The following DIS3L2 variants were observed in gnomAD, a reference collection of about 807,000 sequenced individuals.
DIS3L2 encodes DIS3-like exonuclease 2.
Under a neutral mutation model 97.5 loss-of-function variants are expected in DIS3L2, and 34 were observed. That is an observed-to-expected ratio of 0.35 (90% confidence interval 0.27 to 0.46). The LOEUF is 0.46. DIS3L2 is among the 20% of genes least tolerant of loss of function. The pLI, the probability that DIS3L2 is intolerant of heterozygous loss-of-function variation, is 1.00. For missense variants in DIS3L2, 1,038 were observed against 1,146.0 expected, an observed-to-expected ratio of 0.91 and a Z score of 1.36; for synonymous variants, 435 against 445.2, an observed-to-expected ratio of 0.98 and a Z score of 0.29.
At chr2:232,311,075 G>T (rs1301765832) in intron 14 of DIS3L2, among the ~76,000 whole-genome samples, 1 of 152,212 alleles carries the variant, frequency 6.6e-6, no homozygotes, top group East Asian at 1.9e-4. Context: ...CTGAGCTATG[G>T]TGCTCAGGAC....
intron 13 of DIS3L2, among the ~76,000 whole-genome samples, chr2:232,277,633 A>G (rs969696290): frequency 1.3e-5 from 2 of 152,190 alleles, no homozygotes; most frequent in Non-Finnish European, 2.9e-5. Flanking sequence ...TTTTCTATAT[A>G]TCCTAAGGCG....
At chr2:232,013,096 C>T (rs1421583214) in intron 1 of DIS3L2, among the ~76,000 whole-genome samples, 2 of 152,302 alleles carry the variant, frequency 1.3e-5, no homozygotes, top group East Asian at 1.9e-4. Flanking sequence ...AGACATGCCT[C>T]GTTGCTAGAT....
intron 6 of DIS3L2, among the ~76,000 whole-genome samples, chr2:232,130,351 A>G (rs1204811528): frequency 2.0e-5 from 3 of 152,174 alleles, no homozygotes; most frequent in African/African-American, 2.4e-5. Flanking sequence ...TTAATTCAAC[A>G]TAGTTTGATG....
chr2:232,295,493 G>A (rs1040129363), intron 13 of DIS3L2, among the ~76,000 whole-genome samples: 2 of 152,160 alleles, frequency 1.3e-5, no homozygotes, highest in Non-Finnish European at 1.5e-5. Context: ...CCTTGAATCT[G>A]CAGTTCTCTC....
rs375685552 is a variant in DIS3L2 at position 232,107,631 on chromosome 2, G to A, written c.601+19910G>A. Among the ~76,000 whole-genome samples the A allele has an allele frequency of 1.4e-4, 22 of 152,284 alleles. No homozygotes were observed. The East Asian group carries it at 2.5e-3, about 17-fold the overall frequency. On this transcript the variant is annotated intron_variant, in intron 6 of 20. Coordinates refer to ENST00000325385, the MANE Select transcript of DIS3L2 (RefSeq NM_152383.5). ...GGAGAATCACTTAAATCCAGGAGGT[G>A]TAGGATACAGTGAGCCGAGGTCTCG...
At chr2:232,174,841 T>C (rs1465658018) in intron 9 of DIS3L2, among the ~76,000 whole-genome samples, 2 of 151,642 alleles carry the variant, frequency 1.3e-5, no homozygotes, top group African/African-American at 4.9e-5. Flanking sequence ...ATTCAGTTTT[T>C]TTTTTGTTTT....
chr2:231,964,940 AG>A (rs1446381607), intron 1 of DIS3L2, among the ~76,000 whole-genome samples: 1 of 152,256 alleles, frequency 6.6e-6, no homozygotes, highest in African/African-American at 2.4e-5. Context: ...TGGAGAGGAC[AG>A]GAAGTCCTAA....
In DIS3L2 at chr2:232,100,190, A is replaced by G. The variant is rs566851694; in HGVS notation, c.601+12469A>G. Among the ~76,000 whole-genome samples, 336 of 101,452 alleles carry G rather than the reference A, an allele frequency of 3.3e-3. 5 individuals carry two copies. The highest frequency in any genetic ancestry group is 2.2e-3 in the Non-Finnish European group (114 of 52,656). The allele number at this position is 101,452 out of a possible 152,430, so 66.6% of individuals were successfully genotyped here. A position where few individuals can be genotyped will look rare whatever the true frequency, so the allele number is the denominator to read the frequency against. ...AGGTGCCTGCCACCATGCCCTGCTA[A>G]TATTTTTTTTTTTTTTTTTTTTTTG... On this transcript the variant is annotated intron_variant, in intron 6 of 20. Coordinates refer to ENST00000325385, the MANE Select transcript of DIS3L2 (RefSeq NM_152383.5).
chr2:232,220,199 C>T (rs542347032), intron 10 of DIS3L2, among the ~76,000 whole-genome samples: 2 of 152,070 alleles, frequency 1.3e-5, no homozygotes, highest in Admixed American at 6.5e-5. Flanking sequence ...GTCCTAGCCA[C>T]GTGGGAGGCT....
intron 2 of DIS3L2, 126 bp from the exon 3 acceptor site, chr2:232,015,388 A>G (rs1694323943): frequency 7.2e-6 from 9 of 1,252,294 alleles, no homozygotes; most frequent in Non-Finnish European, 8.7e-6. Flanking sequence ...GTTAAAAATC[A>G]CCATCAGGGA....
intron 5 of DIS3L2, among the ~76,000 whole-genome samples, chr2:232,034,984 C>T (rs1352512734): frequency 6.6e-6 from 1 of 152,098 alleles, no homozygotes; most frequent in African/African-American, 2.4e-5. Context: ...CTATTAGGTC[C>T]TCTTGATCCA....
intron 9 of DIS3L2, 31 bp from the exon 10 acceptor site, chr2:232,210,295 C>T (rs2106217834): frequency 6.4e-7 from 1 of 1,563,586 alleles, no homozygotes; most frequent in Non-Finnish European, 8.8e-7. Context: ...TTATTTGTGG[C>T]ATTGCTAATT....
At chr2:231,979,307 T>G (rs1358898353) in intron 1 of DIS3L2, among the ~76,000 whole-genome samples, 2 of 152,060 alleles carry the variant, frequency 1.3e-5, no homozygotes, top group Non-Finnish European at 2.9e-5. Context: ...CAGGCTGGAG[T>G]GTAGTAGCAT....
At chr2:232,321,029 G>C (rs914160416) in intron 14 of DIS3L2, among the ~76,000 whole-genome samples, 33 of 152,182 alleles carry the variant, frequency 2.2e-4, no homozygotes, top group Non-Finnish European at 4.6e-4. Context: ...TTGGGTGCGG[G>C]GAGCAGAGGG....
At chr2:232,118,121 T>A (rs144620214) in intron 6 of DIS3L2, among the ~76,000 whole-genome samples, 6 of 152,324 alleles carry the variant, frequency 3.9e-5, no homozygotes, top group Non-Finnish European at 8.8e-5. Context: ...CGCTGCCTGC[T>A]CCATGGGCCT....
At chr2:232,322,836 C>T (rs531506761) in intron 14 of DIS3L2, among the ~76,000 whole-genome samples, 2 of 152,326 alleles carry the variant, frequency 1.3e-5, no homozygotes, top group Admixed American at 1.3e-4. Flanking sequence ...TTACCCAGAG[C>T]CTAATTTTAA....
In DIS3L2 at chr2:232,334,006, G is replaced by T; in HGVS notation, c.2158+19G>T. On this transcript the variant is annotated intron_variant, in intron 17 of 20. Transcript: ENST00000325385. The stretch of plus-strand genomic sequence containing the variant: ...GCGTTAGGTGAGGGGTGCAGTCGGG[G>T]TCAGGGCAGACCTGGGCCAGCTCAG... 2 of 1,601,312 alleles carry T rather than the reference G, an allele frequency of 1.2e-6. No homozygotes were observed. Among genetic ancestry groups the T allele is most frequent in the Non-Finnish European group, 1.7e-6 (2 of 1,174,464 alleles).
chr2:232,125,997 A>G (rs548987011), intron 6 of DIS3L2, among the ~76,000 whole-genome samples: 1 of 152,298 alleles, frequency 6.6e-6, no homozygotes, highest in African/African-American at 2.4e-5. Flanking sequence ...GAAATTGTAA[A>G]TTTCTGTGGC....
intron 14 of DIS3L2, among the ~76,000 whole-genome samples, chr2:232,306,837 C>T (rs897435918): frequency 1.3e-5 from 2 of 152,246 alleles, no homozygotes; most frequent in African/African-American, 4.8e-5. Flanking sequence ...ACAGACCCAT[C>T]CTGTCTTCCT....
Sources: allele counts gnomAD v4.1 joint callset (sites outside exome capture counted in the v4.1 genomes callset), GRCh38; gene constraint gnomAD v4.1.1; transcripts MANE v1.5; gene names NCBI Gene and HGNC (gene_info 2026-07-23, HGNC 2026-07-21).